Variants in MARK2 observed in about 807,000 individuals in gnomAD.
The protein encoded by MARK2 is serine/threonine-protein kinase MARK2.
A neutral mutation model predicts 89.8 loss-of-function variants in MARK2; 16 were observed. The observed-to-expected ratio is 0.18, with a 90% CI of 0.12 to 0.27. MARK2 has a LOEUF of 0.27. Among genes scored for constraint, MARK2 ranks in the 10% least tolerant of loss-of-function variants. The pLI, the probability that MARK2 is intolerant of heterozygous loss-of-function variation, is 1.00. For synonymous variants in MARK2, 382 were observed against 399.5 expected, an observed-to-expected ratio of 0.96 and a Z score of 0.52; for missense variants, 621 against 1,049.9, an observed-to-expected ratio of 0.59 and a Z score of 5.65.
intron 2 of MARK2, 69 bp downstream of exon 2, chr11:63,895,407 G>T: frequency 6.5e-7 from 1 of 1,527,700 alleles, no homozygotes; most frequent in Non-Finnish European, 9.0e-7. Flanking sequence ...GTGGTGATGG[G>T]ACTACTACTG....
intron 1 of MARK2, among the ~76,000 whole-genome samples, chr11:63,883,090 C>T (rs769937184): frequency 4.6e-5 from 7 of 152,138 alleles, no homozygotes; most frequent in Admixed American, 6.5e-5. Flanking sequence ...GCATAAAGTG[C>T]GAGGCTGGCA....
chr11:63,905,778 G>A (rs1025402876), intron 16 of MARK2, among the ~76,000 whole-genome samples: 7 of 152,212 alleles, frequency 4.6e-5, no homozygotes, highest in Non-Finnish European at 8.8e-5. Context: ...CCTTGGAGTA[G>A]CAGCTCAGGA....
At chr11:63,858,085 G>A (rs189808120) in intron 1 of MARK2, among the ~76,000 whole-genome samples, 1 of 152,232 alleles carries the variant, frequency 6.6e-6, no homozygotes, top group Admixed American at 6.5e-5. Context: ...GGAGTGCAGT[G>A]GCACCATCTC....
chr11:63,854,186 C>CTGTGTGTGTGTGTGTGTG (rs55689743), intron 1 of MARK2, among the ~76,000 whole-genome samples: 11 of 141,668 alleles, frequency 7.8e-5, no homozygotes, highest in Non-Finnish European at 1.2e-4. Context: ...ACTATTAATT[C>CTGTGTGTGTGTGTGTGTG]TGTGTGTGTG....
intron 1 of MARK2, among the ~76,000 whole-genome samples, chr11:63,865,776 G>C (rs753306298): frequency 6.6e-6 from 1 of 152,176 alleles, no homozygotes; most frequent in Non-Finnish European, 1.5e-5. Context: ...TGGTTTTGTT[G>C]TGCTTTTTCA....
chr11:63,886,823 G>A (rs1284596490), intron 1 of MARK2, among the ~76,000 whole-genome samples: 1 of 152,210 alleles, frequency 6.6e-6, no homozygotes, highest in Non-Finnish European at 1.5e-5. Context: ...ATCCCTTACT[G>A]TCTCCCACAA....
In MARK2 at chr11:63,909,266, G is replaced by A. The variant is rs1941594800; in HGVS notation, c.*29G>A. 6.5e-7 allele frequency: 1 copy of A among 1,550,116 alleles called. No individual in the cohort carries two copies. The highest frequency in any genetic ancestry group is 1.2e-5 in the South Asian group (1 of 84,366). On this transcript the variant is annotated 3_prime_UTR_variant, in exon 19 of 19. Coordinates refer to ENST00000402010, the MANE Select transcript of MARK2 (RefSeq NM_001039469.3). ...GCTGCCAGGAGCGGGGGCGGCGGGG[G>A]CGGGCCAGCTGGACGGGCTGCCGGC...
At chr11:63,887,517 G>A (rs1939474390) in intron 1 of MARK2, among the ~76,000 whole-genome samples, 1 of 152,240 alleles carries the variant, frequency 6.6e-6, no homozygotes, top group Non-Finnish European at 1.5e-5. Flanking sequence ...CTCCTGAGTA[G>A]CATGGTCTTG....
chr11:63,855,747 A>T (rs2016807893), intron 1 of MARK2, among the ~76,000 whole-genome samples: 1 of 152,302 alleles, frequency 6.6e-6, no homozygotes, highest in South Asian at 2.1e-4. Flanking sequence ...ATATGTTTCA[A>T]CCAAAACAAC....
chr11:63,873,921 A>G (rs1395019842), intron 1 of MARK2, among the ~76,000 whole-genome samples: 1 of 152,256 alleles, frequency 6.6e-6, no homozygotes, highest in African/African-American at 2.4e-5. Flanking sequence ...GACTGGGATT[A>G]CAGGCATGAG....
At chr11:63,907,773 C>T (rs77799837) in intron 17 of MARK2, among the ~76,000 whole-genome samples, 1 of 152,370 alleles carries the variant, frequency 6.6e-6, no homozygotes, top group African/African-American at 2.4e-5. Flanking sequence ...GTAGCCACGG[C>T]CCCTCCTCCT....
Position 63,903,882 on chromosome 11 carries a change from A to C in MARK2, c.1515-104A>C. Reference sequence around the variant, plus strand: ...GCCCAGGCCTGACTTCTACCCTGCCAGAGCTCCCCAGCTCTGGCCCTTCCC... The same window carrying C: ...GCCCAGGCCTGACTTCTACCCTGCCCGAGCTCCCCAGCTCTGGCCCTTCCC... On this transcript the variant is annotated intron_variant, in intron 14 of 18. Transcript: ENST00000402010. This position sits in a 1 kb window ranked among gnomAD's most constrained non-coding sequence, Gnocchi z 5.1. 8 of 933,732 alleles carry C rather than the reference A, an allele frequency of 8.6e-6. No individual in the cohort carries two copies. The highest frequency in any genetic ancestry group is 1.3e-5 in the Non-Finnish European group (8 of 628,406). The allele number at this position is 933,732 out of a possible 1,614,324, so 57.8% of individuals were successfully genotyped here.
chr11:63,859,663 A>G (rs186952944), intron 1 of MARK2, among the ~76,000 whole-genome samples: 41 of 140,448 alleles, frequency 2.9e-4, no homozygotes, highest in Admixed American at 8.5e-4. Flanking sequence ...ACAGAGTCCC[A>G]CTCTGTCGCC....
chr11:63,864,115 G>A (rs1386807297), intron 1 of MARK2, among the ~76,000 whole-genome samples: 1 of 150,578 alleles, frequency 6.6e-6, no homozygotes, highest in Non-Finnish European at 1.5e-5. Context: ...CACCACTCCC[G>A]GCTAATTTTT....
At position 63,908,082 on chromosome 11, in the gene MARK2, G is replaced by A. The variant is rs367793164; in HGVS notation, c.1962-178G>A. Among the ~76,000 whole-genome samples, 7 of 152,348 alleles carry A rather than the reference G, an allele frequency of 4.6e-5. No homozygotes were observed. In the East Asian group the frequency reaches 1.4e-3, roughly 29 times the overall value. On this transcript the variant is annotated intron_variant, in intron 17 of 18. Coordinates refer to ENST00000402010, the MANE Select transcript of MARK2 (RefSeq NM_001039469.3). ...CCTGCTGGAAAGGAATGGTTGAGCC[G>A]CCAGTGTGAGGTGCTGCAGAGCCCT...
chr11:63,861,250 A>G (rs1455043994), intron 1 of MARK2, among the ~76,000 whole-genome samples: 1 of 152,140 alleles, frequency 6.6e-6, no homozygotes, highest in Non-Finnish European at 1.5e-5. Flanking sequence ...CCTGGCCAAG[A>G]TGGTGAAACC....
intron 11 of MARK2, among the ~76,000 whole-genome samples, chr11:63,901,984 C>G (rs895332838): frequency 3.3e-5 from 5 of 152,002 alleles, no homozygotes; most frequent in African/African-American, 1.2e-4. Context: ...CTTATGTATT[C>G]CTTTCTGAGA....
chr11:63,895,147 TC>T lies in MARK2; in HGVS notation c.55-10del, dbSNP rs756543673. 1 of 1,609,026 alleles carries T rather than the reference TC, an allele frequency of 6.2e-7. No individual in the cohort carries two copies. Among genetic ancestry groups the T allele is most frequent in the East Asian group, 2.2e-5 (1 of 44,786 alleles). On this transcript the variant is annotated splice_polypyrimidine_tract_variant and intron_variant, in intron 1 of 18. Transcript: ENST00000402010. ...TGTGGCATGTAATGGTATCTCTGTTTCCACCCCGCAGCCCACCTTGGGACAC... is the reference window on the plus strand; with the variant it reads ...TGTGGCATGTAATGGTATCTCTGTTTCACCCCGCAGCCCACCTTGGGACAC...
intron 16 of MARK2, among the ~76,000 whole-genome samples, chr11:63,905,798 G>A (rs1424391270): frequency 1.3e-5 from 2 of 152,200 alleles, no homozygotes; most frequent in East Asian, 1.9e-4. Context: ...AAGCAGCAGG[G>A]GCTTTGAGAG....
Sources: gnomAD v4.1 joint callset for allele counts (sites outside exome capture counted in the v4.1 genomes callset) on GRCh38, gnomAD v4.1.1 for gene constraint, Gnocchi (gnomAD v3.1) non-coding constraint, MANE v1.5 for transcripts, NCBI Gene and HGNC (gene_info 2026-07-23, HGNC 2026-07-21) for gene names.